The following PHACTR1 variants were observed in gnomAD, a reference collection of about 807,000 sequenced individuals.
The protein encoded by PHACTR1 is RPEL repeat containing 1.
Under a neutral mutation model 69.2 loss-of-function variants are expected in PHACTR1, and 16 were observed. That is an observed-to-expected ratio of 0.23 (90% CI 0.16 to 0.35). The LOEUF is 0.35. PHACTR1 is among the 10% of genes least tolerant of loss of function. The probability of loss-of-function intolerance (pLI) is 1.00; values close to 1 mark genes in which losing one functional copy is unlikely to be tolerated. For missense variants in PHACTR1, 510 were observed against 734.7 expected, an observed-to-expected ratio of 0.69 and a Z score of 3.54; for synonymous variants, 312 against 284.5, an observed-to-expected ratio of 1.10 and a Z score of -0.97.
At chr6:13,054,163 T>C (rs1370238286) in intron 5 of PHACTR1, among the ~76,000 whole-genome samples, 2 of 152,218 alleles carry the variant, frequency 1.3e-5, no homozygotes, top group Admixed American at 6.5e-5. Flanking sequence ...GGTTATATGA[T>C]CTTGCTCAGT....
chr6:12,881,954 C>A (rs1582263336), intron 4 of PHACTR1, among the ~76,000 whole-genome samples: 1 of 152,022 alleles, frequency 6.6e-6, no homozygotes, highest in Non-Finnish European at 1.5e-5. Context: ...GGGAAATGAA[C>A]CAGGGTACAG....
chr6:13,009,430 G>A (rs2127641489), intron 4 of PHACTR1, among the ~76,000 whole-genome samples: 1 of 152,222 alleles, frequency 6.6e-6, no homozygotes, highest in East Asian at 1.9e-4. Context: ...CATTAAATAT[G>A]TATAGTAATT....
At chr6:13,130,057 T>G (rs1178735077) in intron 5 of PHACTR1, among the ~76,000 whole-genome samples, 2 of 152,196 alleles carry the variant, frequency 1.3e-5, no homozygotes, top group Non-Finnish European at 2.9e-5. Flanking sequence ...AAATGCTCTT[T>G]GGGTCAACAA....
chr6:13,195,720 T>C (rs898754934), intron 7 of PHACTR1, among the ~76,000 whole-genome samples: 1 of 121,842 alleles, frequency 8.2e-6, no homozygotes, highest in Non-Finnish European at 1.6e-5. Flanking sequence ...ATCGCGCCAC[T>C]GTACTCCAGC....
At chr6:12,910,958 A>T (rs1450006136) in intron 4 of PHACTR1, among the ~76,000 whole-genome samples, 1 of 152,188 alleles carries the variant, frequency 6.6e-6, no homozygotes, top group Non-Finnish European at 1.5e-5. Context: ...GCAAAGTGGC[A>T]TAGGAGCTCA....
chr6:13,084,275 C>G lies in PHACTR1; in HGVS notation c.415+30746C>G, dbSNP rs192182587. Among the ~76,000 whole-genome samples the G allele has an allele frequency of 2.0e-3, 288 of 146,342 alleles. 4 individuals are homozygous for G. Among genetic ancestry groups the G allele is most frequent in the African/African-American group, 7.0e-3 (278 of 39,522 alleles). ...CATTCTCAGCAAACTATCGCAAGGA[C>G]AAAAAACCAACACCGCATGTTCTCA... is the stretch of plus-strand genomic sequence containing the variant. On this transcript the variant is annotated intron_variant, in intron 5 of 14. Transcript: ENST00000332995.
Position 13,245,265 on chromosome 6 carries a change from T to G in PHACTR1, c.1391+15072T>G, listed in dbSNP as rs542460403. ...GTTCTTTGAGAAATAGCAACTGCTTTCCACAATGGCTGTTTACAATCCCAC... is the reference window on the plus strand; with the variant it reads ...GTTCTTTGAGAAATAGCAACTGCTTGCCACAATGGCTGTTTACAATCCCAC... On this transcript the variant is annotated intron_variant, in intron 10 of 14. Transcript: ENST00000332995. The surrounding 1 kb of genome is among the most constrained non-coding windows in gnomAD (Gnocchi z 4.1). Among the ~76,000 whole-genome samples, 1 of 152,346 alleles carries G rather than the reference T, an allele frequency of 6.6e-6. No homozygotes were observed. The highest frequency in any genetic ancestry group is 2.4e-5 in the African/African-American group (1 of 41,592).
At chr6:13,131,637 GT>G (rs1316111163) in intron 5 of PHACTR1, among the ~76,000 whole-genome samples, 1 of 152,110 alleles carries the variant, frequency 6.6e-6, no homozygotes, top group African/African-American at 2.4e-5. Context: ...TAAGAGCAAT[GT>G]TTATTTTTAA....
chr6:13,041,952 C>G (rs1388324357), intron 4 of PHACTR1, among the ~76,000 whole-genome samples: 1 of 152,092 alleles, frequency 6.6e-6, no homozygotes, highest in Non-Finnish European at 1.5e-5. Context: ...AAACGATACT[C>G]AACATTTGAT....
chr6:12,825,571 C>G (rs964885335), intron 4 of PHACTR1, among the ~76,000 whole-genome samples: 1 of 152,138 alleles, frequency 6.6e-6, no homozygotes, highest in African/African-American at 2.4e-5. Flanking sequence ...TTGTGATGAT[C>G]AATCTCATCA....
chr6:12,993,128 G>A (rs1043320725), intron 4 of PHACTR1, among the ~76,000 whole-genome samples: 1 of 152,190 alleles, frequency 6.6e-6, no homozygotes, highest in Non-Finnish European at 1.5e-5. Context: ...TATGCTTGCA[G>A]CTTGATTTTT....
intron 4 of PHACTR1, among the ~76,000 whole-genome samples, chr6:12,798,567 T>A (rs1561892797): frequency 6.6e-6 from 1 of 152,172 alleles, no homozygotes; most frequent in African/African-American, 2.4e-5. Flanking sequence ...AATGACCAAT[T>A]TAAAGTCAGT....
At chr6:13,235,572 A>G (rs557971399) in intron 10 of PHACTR1, among the ~76,000 whole-genome samples, 15 of 152,198 alleles carry the variant, frequency 9.9e-5, no homozygotes, top group Non-Finnish European at 1.8e-4. Context: ...TGGTGAAGTG[A>G]AACCCCCAGA....
chr6:12,802,361 A>G (rs938832335), intron 4 of PHACTR1, among the ~76,000 whole-genome samples: 1 of 152,124 alleles, frequency 6.6e-6, no homozygotes, highest in African/African-American at 2.4e-5. Flanking sequence ...AGTCTTAGGA[A>G]CAAAAAGCTA....
chr6:12,775,445 C>T (rs562517791), intron 4 of PHACTR1, among the ~76,000 whole-genome samples: 15 of 152,318 alleles, frequency 9.8e-5, no homozygotes, highest in African/African-American at 3.6e-4. Context: ...TCACTGAACT[C>T]ATTAATCGTG....
chr6:12,825,145 A>G (rs556244014), intron 4 of PHACTR1, among the ~76,000 whole-genome samples: 1 of 151,950 alleles, frequency 6.6e-6, no homozygotes, highest in Non-Finnish European at 1.5e-5. Context: ...ACACACACAC[A>G]TTTAATTTAA....
intron 5 of PHACTR1, among the ~76,000 whole-genome samples, chr6:13,133,445 C>G (rs530093287): frequency 6.6e-6 from 1 of 151,994 alleles, no homozygotes; most frequent in East Asian, 1.9e-4. Flanking sequence ...AGGCGCGCGC[C>G]GCCACACCTG....
chr6:12,917,708 CT>C (rs1787167207), intron 4 of PHACTR1, among the ~76,000 whole-genome samples: 1 of 152,150 alleles, frequency 6.6e-6, no homozygotes, highest in South Asian at 2.1e-4. Context: ...TGAATTACGA[CT>C]GTGCCACTAC....
chr6:12,995,288 GA>G (rs1797292943), intron 4 of PHACTR1, among the ~76,000 whole-genome samples: 1 of 149,776 alleles, frequency 6.7e-6, no homozygotes, highest in Non-Finnish European at 1.5e-5. Context: ...CAAATTAGAG[GA>G]AAGGAAAAGA....
Sources: gnomAD v4.1 joint callset for allele counts (sites outside exome capture counted in the v4.1 genomes callset) on GRCh38, gnomAD v4.1.1 for gene constraint, Gnocchi (gnomAD v3.1) non-coding constraint, MANE v1.5 for transcripts, NCBI Gene and HGNC (gene_info 2026-07-23, HGNC 2026-07-21) for gene names.